STXBP5L: variants seen among roughly 807,000 people sequenced by gnomAD.
STXBP5L encodes syntaxin binding protein 5L.
A neutral mutation model predicts 144.5 loss-of-function variants in STXBP5L; 65 were observed. That is an observed-to-expected ratio of 0.45 (90% confidence interval 0.37 to 0.55). The LOEUF (loss-of-function observed/expected upper bound fraction) is 0.55. STXBP5L is among the 20% of genes least tolerant of loss of function. The pLI is 0.00. For missense variants in STXBP5L, 1,298 were observed against 1,405.5 expected, an observed-to-expected ratio of 0.92 and a Z score of 1.22; for synonymous variants, 505 against 469.6, an observed-to-expected ratio of 1.08 and a Z score of -0.97.
intron 7 of STXBP5L, among the ~76,000 whole-genome samples, chr3:121,124,475 AT>A (rs1430818956): frequency 6.6e-6 from 1 of 152,038 alleles, no homozygotes; most frequent in African/African-American, 2.4e-5. Flanking sequence ...ATAACTATAA[AT>A]TTTTTTATAA....
chr3:121,404,120 G>A (rs1341673741), intron 22 of STXBP5L, among the ~76,000 whole-genome samples: 2 of 152,104 alleles, frequency 1.3e-5, no homozygotes, highest in African/African-American at 4.8e-5. Context: ...AACTTAACAT[G>A]TTCAAACCTG....
At chr3:121,057,726 A>G (rs1197992822) in intron 5 of STXBP5L, among the ~76,000 whole-genome samples, 2 of 151,938 alleles carry the variant, frequency 1.3e-5, no homozygotes, top group African/African-American at 4.8e-5. Context: ...ATTCTATTTT[A>G]GTTCTCTTTC....
At chr3:121,030,825 A>T (rs1946315615) in intron 3 of STXBP5L, among the ~76,000 whole-genome samples, 1 of 152,066 alleles carries the variant, frequency 6.6e-6, no homozygotes, top group Admixed American at 6.6e-5. Context: ...ATTTTAGGAA[A>T]ATTCAATGGC....
At chr3:121,335,241 A>T (rs1284387954) in intron 20 of STXBP5L, among the ~76,000 whole-genome samples, 1 of 152,192 alleles carries the variant, frequency 6.6e-6, no homozygotes, top group Non-Finnish European at 1.5e-5. Context: ...CTAGTAATAC[A>T]GCTTAAAAGG....
chr3:121,300,516 A>G (rs772903372), intron 19 of STXBP5L, among the ~76,000 whole-genome samples: 24 of 152,148 alleles, frequency 1.6e-4, no homozygotes, highest in Non-Finnish European at 1.2e-4. Flanking sequence ...ACAGAATTAT[A>G]CTGTTGTTTT....
intron 19 of STXBP5L, among the ~76,000 whole-genome samples, chr3:121,287,653 A>AC (rs1477947930): frequency 1.3e-5 from 2 of 152,034 alleles, no homozygotes; most frequent in African/African-American, 2.4e-5. Flanking sequence ...ACATGGTGAA[A>AC]CCCCGTCTCC....
At chr3:120,960,228 A>G (rs1346250263) in intron 3 of STXBP5L, among the ~76,000 whole-genome samples, 2 of 152,362 alleles carry the variant, frequency 1.3e-5, no homozygotes, top group South Asian at 2.1e-4. Context: ...CATGCCAGTT[A>G]GAATGGCAAT....
intron 5 of STXBP5L, among the ~76,000 whole-genome samples, chr3:121,108,428 GT>G (rs1337909670): frequency 6.6e-6 from 1 of 152,156 alleles, no homozygotes; most frequent in Non-Finnish European, 1.5e-5. Context: ...ATGAAGAGAT[GT>G]TGAATTTTAT....
chr3:121,030,449 T>G (rs772462530), intron 3 of STXBP5L, among the ~76,000 whole-genome samples: 5 of 152,156 alleles, frequency 3.3e-5, no homozygotes, highest in Non-Finnish European at 7.3e-5. Context: ...AAACACTGCA[T>G]GTTCTCACTC....
chr3:120,970,304 CTTA>C (rs552507744), intron 3 of STXBP5L, among the ~76,000 whole-genome samples: 85 of 151,992 alleles, frequency 5.6e-4, no homozygotes, highest in African/African-American at 2.0e-3. Flanking sequence ...CAAATGTTTT[CTTA>C]TTATACACTA....
chr3:121,184,278 A>G (rs1236292833), intron 9 of STXBP5L, among the ~76,000 whole-genome samples: 1 of 150,002 alleles, frequency 6.7e-6, no homozygotes, highest in Non-Finnish European at 1.5e-5. Context: ...AAGCTAAAGG[A>G]GCATGTTCTA....
intron 2 of STXBP5L, among the ~76,000 whole-genome samples, chr3:120,954,017 A>G (rs537125429): frequency 6.6e-6 from 1 of 152,236 alleles, no homozygotes; most frequent in Admixed American, 6.5e-5. Context: ...GTGAACACTC[A>G]CTAATATGTA....
chr3:121,073,010 C>G lies in STXBP5L; in HGVS notation c.470+27475C>G, dbSNP rs544538264. ...TCAGCTCTTTGGGCCAAAGTTCCGA[C>G]TGGCAGAGGGCGGGCTTCGGCTACT... On this transcript the variant is annotated intron_variant, in intron 5 of 26. Coordinates refer to ENST00000471454, the MANE Select transcript of STXBP5L (RefSeq NM_001308330.2). Among the ~76,000 whole-genome samples the G allele has an allele frequency of 1.3e-5, 2 of 152,324 alleles. 1 individual carries two copies. Among genetic ancestry groups the G allele is most frequent in the East Asian group, 3.9e-4 (2 of 5,176 alleles).
intron 7 of STXBP5L, among the ~76,000 whole-genome samples, chr3:121,131,663 TA>T (rs2107897791): frequency 6.6e-6 from 1 of 152,340 alleles, no homozygotes; most frequent in East Asian, 1.9e-4. Flanking sequence ...AAATTGTTTT[TA>T]TGAAGCAATT....
At chr3:121,111,311 G>A (rs765362806) in intron 5 of STXBP5L, among the ~76,000 whole-genome samples, 1 of 152,204 alleles carries the variant, frequency 6.6e-6, no homozygotes, top group Admixed American at 6.5e-5. Flanking sequence ...TGGAGGAGGA[G>A]AAGCACTCTG....
At chr3:121,397,993 G>C (rs2046774620) in intron 22 of STXBP5L, among the ~76,000 whole-genome samples, 1 of 152,200 alleles carries the variant, frequency 6.6e-6, no homozygotes, top group African/African-American at 2.4e-5. Context: ...TCACAGGTAG[G>C]ACGTTTATCA....
intron 9 of STXBP5L, chr3:121,158,927 C>G (rs1418352568): frequency 6.6e-6 from 1 of 151,992 alleles, no homozygotes; most frequent in Non-Finnish European, 1.5e-5. Flanking sequence ...TATTATTCTG[C>G]TTTTCTGTTG....
At chr3:121,055,751 A>G (rs1948413975) in intron 5 of STXBP5L, among the ~76,000 whole-genome samples, 1 of 151,898 alleles carries the variant, frequency 6.6e-6, no homozygotes, top group South Asian at 2.1e-4. Context: ...CCTAAGCTGG[A>G]GTACAGTAGC....
Position 121,090,621 on chromosome 3 carries a change from G to A in STXBP5L, c.471-24304G>A, listed in dbSNP as rs544689619. On this transcript the variant is annotated intron_variant, in intron 5 of 26. Transcript: ENST00000471454. ...AAATATTTTAAAGTCTCTAAAGGAG[G>A]TATATACAGATCTGAATTGTCTAAA... 4.7e-4 allele frequency among the ~76,000 whole-genome samples: 71 copies of A among 152,138 alleles called. 2 individuals carry two copies. In the South Asian group the frequency reaches 0.01, roughly 22 times the overall value.
Sources: gnomAD v4.1 joint callset for allele counts (sites outside exome capture counted in the v4.1 genomes callset) on GRCh38, gnomAD v4.1.1 for gene constraint, MANE v1.5 for transcripts, NCBI Gene and HGNC (gene_info 2026-07-23, HGNC 2026-07-21) for gene names.